LRFN2: variants seen among roughly 807,000 people sequenced by gnomAD.
The protein encoded by LRFN2 is leucine-rich repeat and fibronectin type-III domain-containing protein 2.
LRFN2 carries 18 observed loss-of-function variants against 37.3 expected under a neutral mutation model. That is an observed-to-expected ratio of 0.48 (90% CI 0.33 to 0.72). LRFN2 has a LOEUF of 0.72. Ranked by LOEUF, LRFN2 falls within the 30% of genes least tolerant of loss-of-function variation. The pLI, the probability that LRFN2 is intolerant of heterozygous loss-of-function variation, is 0.02. For missense variants in LRFN2, 1,006 were observed against 1,060.7 expected (o/e 0.95, Z 0.72); for synonymous variants, 556 against 466.6 (o/e 1.19, Z -2.47).
intron 1 of LRFN2, among the ~76,000 whole-genome samples, chr6:40,540,387 GC>G (rs1284751028): frequency 4.6e-5 from 7 of 152,146 alleles, no homozygotes; most frequent in Non-Finnish European, 1.0e-4. Flanking sequence ...CAGATCCCAA[GC>G]TTTTGCAAAG....
intron 1 of LRFN2, among the ~76,000 whole-genome samples, chr6:40,470,599 A>G: frequency 7.0e-6 from 1 of 142,902 alleles, no homozygotes; most frequent in South Asian, 2.2e-4. Flanking sequence ...ACAGAGCAAG[A>G]CTCTGTCTCA....
intron 1 of LRFN2, among the ~76,000 whole-genome samples, chr6:40,583,401 C>A (rs1040142382): frequency 5.9e-5 from 9 of 152,256 alleles, no homozygotes; most frequent in Admixed American, 3.3e-4. Flanking sequence ...TCTGCAGGTT[C>A]TTAACACCCC....
intron 1 of LRFN2, among the ~76,000 whole-genome samples, chr6:40,462,333 C>T (rs1764365845): frequency 6.6e-6 from 1 of 152,122 alleles, no homozygotes; most frequent in Non-Finnish European, 1.5e-5. Flanking sequence ...CTACACAAGT[C>T]CCTCCATACT....
At chr6:40,534,924 G>A (rs780755340) in intron 1 of LRFN2, among the ~76,000 whole-genome samples, 4 of 152,132 alleles carry the variant, frequency 2.6e-5, no homozygotes, top group Non-Finnish European at 5.9e-5. Context: ...CAGATGAGGC[G>A]CCTGAGGCTC....
At chr6:40,580,488 C>T (rs768175582) in intron 1 of LRFN2, among the ~76,000 whole-genome samples, 5 of 152,190 alleles carry the variant, frequency 3.3e-5, no homozygotes, top group Non-Finnish European at 5.9e-5. Flanking sequence ...GCAGAAATTG[C>T]TACGGCAGCT....
chr6:40,565,146 T>C (rs543558417), intron 1 of LRFN2, among the ~76,000 whole-genome samples: 3 of 152,312 alleles, frequency 2.0e-5, no homozygotes, highest in South Asian at 2.1e-4. Flanking sequence ...CAAATCATTA[T>C]AGAAATCGCT....
At chr6:40,532,147 C>T (rs543416865) in intron 1 of LRFN2, among the ~76,000 whole-genome samples, 9 of 152,312 alleles carry the variant, frequency 5.9e-5, no homozygotes, top group Admixed American at 2.6e-4. Flanking sequence ...CAAGCCTTAC[C>T]GTGGGCCCAC....
chr6:40,582,104 T>A (rs1767415538), intron 1 of LRFN2, among the ~76,000 whole-genome samples: 1 of 152,034 alleles, frequency 6.6e-6, no homozygotes, highest in African/African-American at 2.4e-5. Flanking sequence ...TTATTAGAGA[T>A]CTGGGTTAAG....
At chr6:40,583,979 T>C (rs1045493052) in intron 1 of LRFN2, among the ~76,000 whole-genome samples, 7 of 152,210 alleles carry the variant, frequency 4.6e-5, no homozygotes, top group African/African-American at 1.7e-4. Context: ...CAAATGTGCA[T>C]GGCCATAAAA....
At chr6:40,426,657 G>A (rs184222075) in intron 2 of LRFN2, among the ~76,000 whole-genome samples, 18 of 152,270 alleles carry the variant, frequency 1.2e-4, no homozygotes, top group East Asian at 3.9e-4. Context: ...ATATGTGTGC[G>A]TGTATGTCTT....
intron 1 of LRFN2, among the ~76,000 whole-genome samples, chr6:40,460,880 C>T (rs1023614552): frequency 2.0e-5 from 3 of 152,156 alleles, no homozygotes; most frequent in Non-Finnish European, 2.9e-5. Context: ...GAGAGATAAG[C>T]GCAGAGAATA....
chr6:40,538,708 G>A (rs1032028098), intron 1 of LRFN2, among the ~76,000 whole-genome samples: 17 of 152,178 alleles, frequency 1.1e-4, no homozygotes, highest in Admixed American at 8.5e-4. Flanking sequence ...TGTGTCTGAC[G>A]CAGGGCGTCC....
intron 1 of LRFN2, among the ~76,000 whole-genome samples, chr6:40,506,244 A>T (rs1765533722): frequency 6.7e-6 from 1 of 149,464 alleles, no homozygotes. Flanking sequence ...AAGCCGTGTC[A>T]TGGAACCTGG....
intron 2 of LRFN2, among the ~76,000 whole-genome samples, chr6:40,426,695 G>A (rs987832614): frequency 6.6e-5 from 10 of 152,044 alleles, no homozygotes; most frequent in Admixed American, 3.3e-4. Context: ...CAAATACTTC[G>A]AATAAGTTAA....
intron 2 of LRFN2, among the ~76,000 whole-genome samples, chr6:40,425,344 C>A (rs1032988447): frequency 2.6e-5 from 4 of 152,242 alleles, no homozygotes; most frequent in Non-Finnish European, 5.9e-5. Flanking sequence ...CCTGCTCTTC[C>A]CCTGGCTCTC....
intron 2 of LRFN2, among the ~76,000 whole-genome samples, chr6:40,420,205 G>T (rs1393204388): frequency 6.6e-6 from 1 of 152,210 alleles, no homozygotes; most frequent in South Asian, 2.1e-4. Context: ...TGGCTGCATG[G>T]CCCTGCATTC....
At chr6:40,420,220 C>A (rs1167513180) in intron 2 of LRFN2, among the ~76,000 whole-genome samples, 1 of 152,230 alleles carries the variant, frequency 6.6e-6, no homozygotes, top group Non-Finnish European at 1.5e-5. Context: ...GCATTCACCC[C>A]GGGGTGGCCC....
intron 2 of LRFN2, among the ~76,000 whole-genome samples, chr6:40,420,686 G>A (rs181322190): frequency 6.6e-6 from 1 of 152,352 alleles, no homozygotes; most frequent in African/African-American, 2.4e-5. Flanking sequence ...ACAGACAATC[G>A]CCTTCCTCAG....
intron 2 of LRFN2, among the ~76,000 whole-genome samples, chr6:40,411,372 C>A (rs369480456): frequency 1.3e-5 from 2 of 152,126 alleles, no homozygotes; most frequent in Non-Finnish European, 1.5e-5. Context: ...CGTGTAGGTA[C>A]GTATGTGAGT....
Sources: gnomAD v4.1 joint callset for allele counts (sites outside exome capture counted in the v4.1 genomes callset) on GRCh38, gnomAD v4.1.1 for gene constraint, MANE v1.5 for transcripts, NCBI Gene and HGNC (gene_info 2026-07-23, HGNC 2026-07-21) for gene names.